ATP9B: variants seen among roughly 807,000 people sequenced by gnomAD.
ATP9B encodes the protein ATPase phospholipid transporting 9B, also known as probable phospholipid-transporting ATPase IIB.
Under a neutral mutation model 146.1 loss-of-function variants are expected in ATP9B, and 110 were observed. That is an observed-to-expected ratio of 0.75 (90% CI 0.65 to 0.88). ATP9B has a LOEUF of 0.88. Ranked by LOEUF, ATP9B falls within the 40% of genes least tolerant of loss-of-function variation. The pLI, the probability that ATP9B is intolerant of heterozygous loss-of-function variation, is 0.00. For missense variants in ATP9B, 1,499 were observed against 1,496.4 expected, an observed-to-expected ratio of 1.00 and a Z score of -0.03; for synonymous variants, 604 against 569.7, an observed-to-expected ratio of 1.06 and a Z score of -0.86.
Position 79,282,546 on chromosome 18 carries a change from G to A in ATP9B, c.1411+5350G>A, listed in dbSNP as rs564882674. 2.7e-4 allele frequency among the ~76,000 whole-genome samples: 41 copies of A among 152,262 alleles called. 1 individual carries two copies. Among genetic ancestry groups the A allele is most frequent in the African/African-American group, 8.7e-4 (36 of 41,552 alleles). On this transcript the variant is annotated intron_variant, in intron 13 of 29. Coordinates refer to ENST00000426216, the MANE Select transcript of ATP9B (RefSeq NM_198531.5). ...TGAAGGCTCAGATGATTGTTAGCAC[G>A]TTTTAAAAATATTTTTAAATTATGG...
At chr18:79,320,704 C>T (rs185468197) in intron 15 of ATP9B, among the ~76,000 whole-genome samples, 5 of 152,256 alleles carry the variant, frequency 3.3e-5, no homozygotes, top group South Asian at 2.1e-4. Flanking sequence ...CTCCCACCCC[C>T]CTCCAGCCCT....
At chr18:79,207,616 G>C (rs968791289) in intron 10 of ATP9B, among the ~76,000 whole-genome samples, 7 of 152,182 alleles carry the variant, frequency 4.6e-5, no homozygotes, top group Non-Finnish European at 1.0e-4. Flanking sequence ...GCTGGTGCCA[G>C]TAATGGGGCT....
At chr18:79,074,031 G>A (rs115109334) in intron 1 of ATP9B, among the ~76,000 whole-genome samples, 5,177 of 152,158 alleles carry the variant, frequency 0.034, 301 homozygotes, top group African/African-American at 0.12. Flanking sequence ...TTATTTTAGC[G>A]TGCAGCCACC....
At chr18:79,230,211 G>A (rs755152133) in intron 11 of ATP9B, among the ~76,000 whole-genome samples, 17 of 152,166 alleles carry the variant, frequency 1.1e-4, no homozygotes, top group Admixed American at 2.0e-4. Context: ...GGAAGTCCTA[G>A]CCACAGCAAT....
intron 7 of ATP9B, among the ~76,000 whole-genome samples, chr18:79,163,181 T>C (rs2094910303): frequency 6.6e-6 from 1 of 152,224 alleles, no homozygotes; most frequent in Admixed American, 6.5e-5. Flanking sequence ...TCATTCTTTC[T>C]CTCTTTAAAT....
intron 11 of ATP9B, among the ~76,000 whole-genome samples, chr18:79,244,125 C>T (rs2095916160): frequency 6.6e-6 from 1 of 151,898 alleles, no homozygotes; most frequent in East Asian, 1.9e-4. Context: ...AGTAGTCTCC[C>T]CACTACCCCC....
At chr18:79,137,021 A>T (rs150409134) in intron 5 of ATP9B, among the ~76,000 whole-genome samples, 2 of 152,270 alleles carry the variant, frequency 1.3e-5, no homozygotes, top group African/African-American at 2.4e-5. Context: ...CTCCCACAAC[A>T]TGTGGGGAGT....
chr18:79,277,317 T>A (rs1006485806), intron 13 of ATP9B, 121 bp downstream of exon 13: 49 of 1,268,868 alleles, frequency 3.9e-5, no homozygotes, highest in Non-Finnish European at 4.8e-5. Flanking sequence ...GAACAGATCA[T>A]TGAATCCATA....
chr18:79,296,249 C>T (rs2096546930), intron 13 of ATP9B, among the ~76,000 whole-genome samples: 1 of 152,234 alleles, frequency 6.6e-6, no homozygotes, highest in South Asian at 2.1e-4. Flanking sequence ...CTCCTAGGCC[C>T]AAGCCATCTT....
intron 25 of ATP9B, among the ~76,000 whole-genome samples, chr18:79,354,738 C>T (rs1298106202): frequency 2.6e-5 from 4 of 151,278 alleles, no homozygotes; most frequent in African/African-American, 9.7e-5. Context: ...GGGCAAGGGG[C>T]GAGGCGGCAG....
At chr18:79,214,088 A>C in intron 11 of ATP9B, 50 bp downstream of exon 11, 1 of 1,377,702 alleles carries the variant, frequency 7.3e-7, no homozygotes, top group Non-Finnish European at 1.0e-6. Context: ...TTTTCCTTTC[A>C]GTAAGAAAGT....
At chr18:79,356,117 G>A (rs976053358) in intron 25 of ATP9B, among the ~76,000 whole-genome samples, 2 of 152,162 alleles carry the variant, frequency 1.3e-5, no homozygotes, top group South Asian at 2.1e-4. Context: ...GTGAGGGGAC[G>A]CACAGACCAC....
chr18:79,115,376 C>T (rs1306761482), intron 4 of ATP9B: 1 of 134,952 alleles, frequency 7.4e-6, no homozygotes, highest in Non-Finnish European at 1.6e-5. Flanking sequence ...ATGCCATCCC[C>T]ATCAAGCTAC....
intron 12 of ATP9B, among the ~76,000 whole-genome samples, chr18:79,272,679 T>C (rs1307392912): frequency 3.9e-5 from 6 of 152,162 alleles, no homozygotes; most frequent in Admixed American, 2.6e-4. Context: ...CTCTCCACTA[T>C]AGCTCAGGCT....
intron 11 of ATP9B, among the ~76,000 whole-genome samples, chr18:79,214,753 A>C (rs533625220): frequency 6.6e-6 from 1 of 152,348 alleles, no homozygotes; most frequent in East Asian, 1.9e-4. Flanking sequence ...AAAAATCCTC[A>C]CATGGATTTA....
chr18:79,297,015 GACAGAGACGACCCAGAGAGA>G, intron 13 of ATP9B, among the ~76,000 whole-genome samples: 1 of 150,120 alleles, frequency 6.7e-6, no homozygotes, highest in African/African-American at 2.5e-5. Flanking sequence ...CCAGAGAGAA[GACAGAGACGACCCAGAGAGA>G]AGACAGAGAG....
chr18:79,244,109 G>A (rs2095915970), intron 11 of ATP9B, among the ~76,000 whole-genome samples: 1 of 152,022 alleles, frequency 6.6e-6, no homozygotes, highest in Non-Finnish European at 1.5e-5. Flanking sequence ...AAATAAGCAG[G>A]TGGAAAGTAG....
At chr18:79,275,363 C>T (rs2096296427) in intron 12 of ATP9B, among the ~76,000 whole-genome samples, 1 of 152,226 alleles carries the variant, frequency 6.6e-6, no homozygotes, top group African/African-American at 2.4e-5. Context: ...GAGAATCTTT[C>T]TCCAAAGCCC....
At chr18:79,245,395 T>G (rs1021783734) in intron 11 of ATP9B, among the ~76,000 whole-genome samples, 2 of 152,050 alleles carry the variant, frequency 1.3e-5, no homozygotes, top group South Asian at 4.1e-4. Context: ...GGCAAAACCA[T>G]TTAAAATTGA....
Sources: gnomAD v4.1 joint callset for allele counts (sites outside exome capture counted in the v4.1 genomes callset) on GRCh38, gnomAD v4.1.1 for gene constraint, MANE v1.5 for transcripts, NCBI Gene and HGNC (gene_info 2026-07-23, HGNC 2026-07-21) for gene names.